The following DNAJC1 variants were observed in gnomAD, a reference collection of about 807,000 sequenced individuals.
DNAJC1 encodes the protein dnaJ homolog subfamily C member 1.
In DNAJC1, 58 loss-of-function variants were observed where a neutral mutation model predicts 76.6. The observed-to-expected ratio is 0.76, with a 90% CI of 0.61 to 0.94. The LOEUF (loss-of-function observed/expected upper bound fraction) is 0.94. Among genes scored for constraint, DNAJC1 ranks in the 40% least tolerant of loss-of-function variants. The probability of loss-of-function intolerance (pLI) is 0.00; values close to 1 mark genes in which losing one functional copy is unlikely to be tolerated. For missense variants in DNAJC1, 689 were observed against 677.3 expected (o/e 1.02, Z -0.19); for synonymous variants, 258 against 267.9 (o/e 0.96, Z 0.36).
At chr10:21,839,132 T>C (rs951438182) in intron 8 of DNAJC1, among the ~76,000 whole-genome samples, 46 of 152,028 alleles carry the variant, frequency 3.0e-4, no homozygotes, top group African/African-American at 1.0e-3. Context: ...GCACTAAATG[T>C]CCACAAGAGA....
intron 9 of DNAJC1, among the ~76,000 whole-genome samples, chr10:21,780,123 T>C (rs1216946878): frequency 6.6e-6 from 1 of 152,206 alleles, no homozygotes; most frequent in Non-Finnish European, 1.5e-5. Flanking sequence ...GTCTGATTGG[T>C]GTACCTGAAA....
Position 21,947,422 on chromosome 10 carries a change from T to C in DNAJC1, c.223-18281A>G, listed in dbSNP as rs144430228. On this transcript the variant is annotated intron_variant, in intron 1 of 11. Transcript: ENST00000376980. The stretch of plus-strand genomic sequence containing the variant: ...CATCCTTGAGGCAGCAAGACTAGCC[T>C]CTCCTCTCAGTCTACTCAATAAGAA... Among the ~76,000 whole-genome samples, 507 of 152,166 alleles carry C rather than the reference T, an allele frequency of 3.3e-3. 2 individuals are homozygous for C. Among genetic ancestry groups the C allele is most frequent in the Admixed American group, 5.7e-3 (87 of 15,270 alleles).
At chr10:21,957,671 G>C (rs890899103) in intron 1 of DNAJC1, among the ~76,000 whole-genome samples, 1 of 151,914 alleles carries the variant, frequency 6.6e-6, no homozygotes, top group African/African-American at 2.4e-5. Context: ...TTCCTTTTCA[G>C]TTATTTAGTC....
intron 9 of DNAJC1, among the ~76,000 whole-genome samples, chr10:21,794,203 A>C (rs551076562): frequency 6.6e-6 from 1 of 150,596 alleles, no homozygotes; most frequent in Non-Finnish European, 1.5e-5. Flanking sequence ...CAAGGAGTTC[A>C]AAGTTTCAGT....
intron 8 of DNAJC1, among the ~76,000 whole-genome samples, chr10:21,813,216 C>CTATATA (rs1288966176): frequency 3.1e-4 from 11 of 35,554 alleles, no homozygotes; most frequent in Non-Finnish European, 4.3e-4. Flanking sequence ...CTCTCTCTCT[C>CTATATA]TCTCTATATA....
At chr10:21,982,461 A>G (rs1470906343) in intron 1 of DNAJC1, among the ~76,000 whole-genome samples, 1 of 152,162 alleles carries the variant, frequency 6.6e-6, no homozygotes, top group Admixed American at 6.5e-5. Context: ...GAGTAAATAA[A>G]CAACCCACAG....
chr10:21,900,580 C>T (rs1237496911), intron 7 of DNAJC1, among the ~76,000 whole-genome samples: 1 of 151,884 alleles, frequency 6.6e-6, no homozygotes, highest in African/African-American at 2.4e-5. Context: ...TTCAAATATC[C>T]TAGGATATTA....
chr10:21,849,247 C>T (rs922092483), intron 8 of DNAJC1, among the ~76,000 whole-genome samples: 4 of 125,796 alleles, frequency 3.2e-5, no homozygotes, highest in East Asian at 2.7e-4. Context: ...GAGCCGAGAT[C>T]GTGCCACTGC....
chr10:21,825,134 T>A (rs1432476010), intron 8 of DNAJC1, among the ~76,000 whole-genome samples: 2 of 152,222 alleles, frequency 1.3e-5, no homozygotes, highest in Non-Finnish European at 2.9e-5. Flanking sequence ...AGTACATTCA[T>A]ATTGTTGTAC....
intron 8 of DNAJC1, among the ~76,000 whole-genome samples, chr10:21,870,839 A>G (rs1354685794): frequency 1.3e-5 from 2 of 152,056 alleles, no homozygotes; most frequent in African/African-American, 4.8e-5. Context: ...AAAGACAGAC[A>G]TATGATTTTT....
At position 21,770,857 on chromosome 10, in the gene DNAJC1, A is replaced by AT. The variant is rs200180728; in HGVS notation, c.1099-4549dup. On this transcript the variant is annotated intron_variant, in intron 9 of 11. Transcript: ENST00000376980. ...AATTTTGCTGAGGTCCAATTTATCT[A>AT]TTTTTTTTAATTTTGAAGCTTTTGG... Among the ~76,000 whole-genome samples, 163 of 151,792 alleles carry AT rather than the reference A, an allele frequency of 1.1e-3. 1 individual carries two copies. Among genetic ancestry groups the AT allele is most frequent in the Non-Finnish European group, 1.6e-3 (109 of 67,868 alleles).
chr10:21,825,210 A>AAAT (rs1444407253), intron 8 of DNAJC1, among the ~76,000 whole-genome samples: 1 of 152,214 alleles, frequency 6.6e-6, no homozygotes, highest in Admixed American at 6.5e-5. Flanking sequence ...TATACTTATT[A>AAAT]AACAATAACC....
chr10:21,777,003 T>C (rs761701332), intron 9 of DNAJC1, among the ~76,000 whole-genome samples: 6 of 152,208 alleles, frequency 3.9e-5, no homozygotes, highest in Non-Finnish European at 8.8e-5. Context: ...GGTATCACCA[T>C]TCTATTGACT....
intron 8 of DNAJC1, among the ~76,000 whole-genome samples, chr10:21,864,948 G>T (rs908211189): frequency 6.6e-6 from 1 of 151,980 alleles, no homozygotes; most frequent in Non-Finnish European, 1.5e-5. Flanking sequence ...TATTCAAATG[G>T]AAAACACATG....
chr10:21,822,265 C>CTTT (rs1393836282), intron 8 of DNAJC1, among the ~76,000 whole-genome samples: 25 of 151,948 alleles, frequency 1.6e-4, no homozygotes, highest in African/African-American at 3.6e-4. Flanking sequence ...ATGGTGAAAC[C>CTTT]CCATCTCTAC....
At chr10:21,772,841 G>C (rs905443844) in intron 9 of DNAJC1, among the ~76,000 whole-genome samples, 5 of 152,134 alleles carry the variant, frequency 3.3e-5, no homozygotes, top group Admixed American at 6.5e-5. Flanking sequence ...TTCACAAGCT[G>C]TACAGGAAGC....
In DNAJC1 at chr10:21,825,870, G is replaced by A. The variant is rs377255956; in HGVS notation, c.979-19771C>T. 2.4e-4 allele frequency among the ~76,000 whole-genome samples: 37 copies of A among 152,270 alleles called. No individual in the cohort carries two copies. The East Asian group carries it at 3.1e-3, about 13-fold the overall frequency. ...AATCCTTTGCTCATCTTTGAACTGA[G>A]TTATGTTGTTGTTATTGAGTTGGAC... On this transcript the variant is annotated intron_variant, in intron 8 of 11. Transcript: ENST00000376980.
At position 21,918,824 on chromosome 10, in the gene DNAJC1, C is replaced by T; in HGVS notation, c.684G>A (p.Gly228=). ...QWHDLLPCKL[G]IWFCLTLKAL... ...CTTTTAGTGTAAGGCAAAACCAAAT[C>T]CCCAGTTTGCATGGAAGCAAATCAT... The change falls in exon 6 of 12, where the codon GGG becomes GGA. Residue 228 remains glycine, a synonymous_variant. Coordinates refer to ENST00000376980, the MANE Select transcript of DNAJC1 (RefSeq NM_022365.4). 6.2e-7 allele frequency: 1 copy of T among 1,613,190 alleles called. No homozygotes were observed. Among genetic ancestry groups the T allele is most frequent in the Non-Finnish European group, 8.5e-7 (1 of 1,179,370 alleles).
In DNAJC1 at chr10:21,822,694, T is replaced by C. The variant is rs578101092; in HGVS notation, c.979-16595A>G. ...AATTGTCACTGACAATGAACATACA[T>C]ATATATTGTATCATAGTTATGTGAT... On this transcript the variant is annotated intron_variant, in intron 8 of 11. Coordinates refer to ENST00000376980, the MANE Select transcript of DNAJC1 (RefSeq NM_022365.4). Among the ~76,000 whole-genome samples, 20 of 152,168 alleles carry C rather than the reference T, an allele frequency of 1.3e-4. No homozygotes were observed. The East Asian group carries it at 3.9e-3, about 29-fold the overall frequency.
Sources: allele counts gnomAD v4.1 joint callset (sites outside exome capture counted in the v4.1 genomes callset), GRCh38; gene constraint gnomAD v4.1.1; transcripts MANE v1.5; gene names NCBI Gene and HGNC (gene_info 2026-07-23, HGNC 2026-07-21).